Variants in RASA1 observed in about 807,000 individuals in gnomAD.
The protein encoded by RASA1 is ras GTPase-activating protein 1.
In RASA1, 25 loss-of-function variants were observed where a neutral mutation model predicts 132.2. The observed-to-expected ratio is 0.19, with a 90% CI of 0.14 to 0.26. The LOEUF (loss-of-function observed/expected upper bound fraction) is 0.26, where lower values mean the gene tolerates loss of function less well. Ranked by LOEUF, RASA1 falls within the 10% of genes least tolerant of loss-of-function variation. The pLI, the probability that RASA1 is intolerant of heterozygous loss-of-function variation, is 1.00. For missense variants in RASA1, 964 were observed against 1,299.2 expected (o/e 0.74, Z 3.97); for synonymous variants, 477 against 449.9 (o/e 1.06, Z -0.76).
At chr5:87,317,746 A>C (rs1429969684) in intron 1 of RASA1, among the ~76,000 whole-genome samples, 1 of 151,226 alleles carries the variant, frequency 6.6e-6, no homozygotes, top group East Asian at 2.0e-4. Context: ...ATTAATTCTC[A>C]TGCCTCAGCC....
chr5:87,373,890 A>G (rs1401767888), intron 13 of RASA1, among the ~76,000 whole-genome samples: 1 of 151,980 alleles, frequency 6.6e-6, no homozygotes, highest in Admixed American at 6.6e-5. Context: ...GAAAAGGTGT[A>G]TTTCATTATT....
chr5:87,350,285 T>C (rs916468564), intron 8 of RASA1, among the ~76,000 whole-genome samples: 1 of 151,862 alleles, frequency 6.6e-6, no homozygotes, highest in Non-Finnish European at 1.5e-5. Context: ...CATATACAGG[T>C]TGCTTGAGTA....
At chr5:87,318,421 A>G (rs987619781) in intron 1 of RASA1, 1 of 152,320 alleles carries the variant, frequency 6.6e-6, no homozygotes, top group African/African-American at 2.4e-5. Flanking sequence ...TGGGTAGTTT[A>G]TAAAGAAGCA....
Position 87,363,373 on chromosome 5 carries a change from A to T in RASA1, c.1479A>T (p.Leu493Phe). 2 of 1,610,650 alleles carry T rather than the reference A, an allele frequency of 1.2e-6. No homozygotes were observed. Among genetic ancestry groups the T allele is most frequent in the Non-Finnish European group, 1.7e-6 (2 of 1,177,608 alleles). ...KKGKGKRWKN[L>F]YFILEGSDAQ... is the part of the protein sequence containing the mutation. Reference sequence around the variant, plus strand: ...GCAAAGGAAAACGTTGGAAAAATTTATATTTTATCTTAGAGGGTAGTGATG... The same window carrying T: ...GCAAAGGAAAACGTTGGAAAAATTTTTATTTTATCTTAGAGGGTAGTGATG... Residue 493 changes from leucine to phenylalanine, a missense_variant, in exon 11 of 25, where the codon TTA becomes TTT. This residue lies in a region of RASA1 where 346 missense variants were observed against 520.1 expected (regional missense o/e 0.67). Coordinates refer to ENST00000274376, the MANE Select transcript of RASA1 (RefSeq NM_002890.3).
intron 7 of RASA1, among the ~76,000 whole-genome samples, chr5:87,347,917 A>C: frequency 6.6e-6 from 1 of 151,962 alleles, no homozygotes; most frequent in Non-Finnish European, 1.5e-5. Flanking sequence ...TACAAGGTTG[A>C]AAAGGAGCTA....
intron 12 of RASA1, among the ~76,000 whole-genome samples, chr5:87,370,727 T>C (rs929648267): frequency 4.6e-5 from 7 of 152,186 alleles, no homozygotes; most frequent in Non-Finnish European, 1.0e-4. Flanking sequence ...TTTATACAAA[T>C]ACAGCTAAAT....
At chr5:87,365,439 C>T (rs1760442533) in intron 11 of RASA1, among the ~76,000 whole-genome samples, 1 of 152,094 alleles carries the variant, frequency 6.6e-6, no homozygotes, top group Non-Finnish European at 1.5e-5. Flanking sequence ...ACTTTATTCA[C>T]AGCTTCATTA....
chr5:87,348,416 A>G (rs934376388), intron 7 of RASA1, among the ~76,000 whole-genome samples: 2 of 152,038 alleles, frequency 1.3e-5, no homozygotes, highest in Non-Finnish European at 2.9e-5. Context: ...TCTATGTATT[A>G]TGAGTCACTG....
At chr5:87,292,655 A>C (rs1754958747) in intron 1 of RASA1, among the ~76,000 whole-genome samples, 1 of 152,120 alleles carries the variant, frequency 6.6e-6, no homozygotes, top group Admixed American at 6.5e-5. Context: ...CTCTCCATAA[A>C]AACTTTAGAA....
Position 87,369,841 on chromosome 5 carries a change from C to G in RASA1, c.1639C>G (p.His547Asp). The change falls in exon 12 of 25, where the codon CAC (histidine) becomes GAC (aspartate). Residue 547 changes from histidine (H) to aspartate (D), a missense_variant. Physicochemically the swap from His to Asp is moderately conservative, Grantham distance 81. This residue lies in a region of RASA1 where 346 missense variants were observed against 520.1 expected (regional missense o/e 0.67). Coordinates refer to ENST00000274376, the MANE Select transcript of RASA1 (RefSeq NM_002890.3). ...AAACTGTTTTCAGATAGTAGTTCAG[C>G]ACTTTAGTGAAGAACATTACATCTT... ...RPNCFQIVVQHFSEEHYIFYF... is the reference protein window; with the variant it reads ...RPNCFQIVVQDFSEEHYIFYF... 1 of 1,611,874 alleles carries G rather than the reference C, an allele frequency of 6.2e-7. No homozygotes were observed. The highest frequency in any genetic ancestry group is 8.5e-7 in the Non-Finnish European group (1 of 1,178,652).
rs574698246 is a variant in RASA1, at chr5:87,319,926, C to G, written c.540-11422C>G. ...AAGTTCCAATTTCACACCGTCTCTT[C>G]ATACATATGAGCATATACTTTTAGA... On this transcript the variant is annotated intron_variant, in intron 1 of 24. Coordinates refer to ENST00000274376, the MANE Select transcript of RASA1 (RefSeq NM_002890.3). 5.3e-5 allele frequency among the ~76,000 whole-genome samples: 8 copies of G among 152,330 alleles called. No individual in the cohort carries two copies. The South Asian group carries it at 1.7e-3, about 32-fold the overall frequency.
chr5:87,377,132 GTTAAA>G (rs1282472958), intron 17 of RASA1, 92 bp downstream of exon 17: 10 of 1,456,060 alleles, frequency 6.9e-6, no homozygotes, highest in African/African-American at 2.8e-5. Context: ...ATACTAAATT[GTTAAA>G]TTATATTGCA....
intron 7 of RASA1, among the ~76,000 whole-genome samples, 185 bp from the exon 8 acceptor site, chr5:87,349,029 G>A (rs1219980082): frequency 6.6e-6 from 1 of 151,710 alleles, no homozygotes; most frequent in Non-Finnish European, 1.5e-5. Context: ...TAGCAGACAA[G>A]CAATGTGGAT....
chr5:87,286,403 T>C (rs537406539), intron 1 of RASA1, among the ~76,000 whole-genome samples: 12 of 152,208 alleles, frequency 7.9e-5, no homozygotes, highest in African/African-American at 2.9e-4. Context: ...CTCTTTATTA[T>C]TGGCTTTCAA....
chr5:87,347,264 G>A (rs1758933158), intron 7 of RASA1, among the ~76,000 whole-genome samples: 2 of 151,818 alleles, frequency 1.3e-5, no homozygotes. Flanking sequence ...TTGTATACTT[G>A]TGGAATTATA....
At position 87,285,033 on chromosome 5, in the gene RASA1, CATTTATTT is replaced by C. The variant is rs34217012; in HGVS notation, c.539+16088_539+16095del. On this transcript the variant is annotated intron_variant, in intron 1 of 24. Coordinates refer to ENST00000274376, the MANE Select transcript of RASA1 (RefSeq NM_002890.3). ...TAAAGTGCTGCGGAGATAATGGTAC[CATTTATTT>C]ATTTATTTATTTATTTATTTATTTA... Among the ~76,000 whole-genome samples, 1,004 of 137,060 alleles carry C rather than the reference CATTTATTT, an allele frequency of 7.3e-3. 5 individuals are homozygous for C. Among genetic ancestry groups the C allele is most frequent in the Middle Eastern group, 0.026 (7 of 274 alleles). The allele number at this position is 137,060 out of a possible 152,430, so 89.9% of individuals were successfully genotyped here. A position where few individuals can be genotyped will look rare whatever the true frequency, so the allele number is the denominator to read the frequency against.
intron 18 of RASA1, among the ~76,000 whole-genome samples, chr5:87,378,764 T>C (rs945749246): frequency 1.3e-5 from 2 of 152,146 alleles, no homozygotes; most frequent in African/African-American, 4.8e-5. Context: ...GCACCAGAAA[T>C]TCATGAAAAT....
intron 11 of RASA1, among the ~76,000 whole-genome samples, chr5:87,368,200 T>A (rs574556785): frequency 6.6e-6 from 1 of 152,274 alleles, no homozygotes; most frequent in Non-Finnish European, 1.5e-5. Context: ...TGTACCAACC[T>A]ATATATTTTC....
At chr5:87,332,698 G>A (rs1757686232) in intron 3 of RASA1, 56 bp downstream of exon 3, 2 of 1,499,180 alleles carry the variant, frequency 1.3e-6, no homozygotes, top group Admixed American at 1.7e-5. Flanking sequence ...TACAATAATG[G>A]TTTTAGCTAT....
Sources: gnomAD v4.1 joint callset for allele counts (sites outside exome capture counted in the v4.1 genomes callset) on GRCh38, gnomAD v4.1.1 for gene constraint, gnomAD v4.1.1 regional missense constraint, MANE v1.5 for transcripts, NCBI Gene and HGNC (gene_info 2026-07-23, HGNC 2026-07-21) for gene names.